Variants in PLGRKT observed in about 807,000 individuals in gnomAD.
PLGRKT encodes the protein plasminogen receptor (KT).
In PLGRKT, 22 loss-of-function variants were observed where a neutral mutation model predicts 18.5. That is an observed-to-expected ratio of 1.19 (90% CI 0.85 to 1.70). The LOEUF is 1.70. Ranked by LOEUF, PLGRKT falls within the 40% of genes most tolerant of loss-of-function variation. The pLI is 0.00. For missense variants in PLGRKT, 235 were observed against 174.4 expected, an observed-to-expected ratio of 1.35 and a Z score of -1.96; for synonymous variants, 72 against 52.8, an observed-to-expected ratio of 1.36 and a Z score of -1.58.
At chr9:5,376,282 T>TGCACAAGGCA (rs1817625866) in intron 3 of PLGRKT, among the ~76,000 whole-genome samples, 1 of 152,166 alleles carries the variant, frequency 6.6e-6, no homozygotes, top group Non-Finnish European at 1.5e-5. Flanking sequence ...TGGTGATGTT[T>TGCACAAGGCA]GCACAAGGCA....
At chr9:5,430,642 C>T (rs1215650838) in intron 3 of PLGRKT, among the ~76,000 whole-genome samples, 2 of 152,202 alleles carry the variant, frequency 1.3e-5, no homozygotes, top group African/African-American at 4.8e-5. Flanking sequence ...GACTGAGGCA[C>T]AAGTCACACA....
chr9:5,360,148 G>A (rs767092973), intron 5 of PLGRKT, among the ~76,000 whole-genome samples: 1 of 152,190 alleles, frequency 6.6e-6, no homozygotes, highest in African/African-American at 2.4e-5. Flanking sequence ...TGAGAATGAT[G>A]TAAACAACTT....
chr9:5,406,847 T>C (rs902191698), intron 3 of PLGRKT, among the ~76,000 whole-genome samples: 3 of 152,294 alleles, frequency 2.0e-5, no homozygotes, highest in South Asian at 2.1e-4. Context: ...AATTCATCCA[T>C]GTAACCAAAA....
chr9:5,380,097 G>T (rs1817709878), intron 3 of PLGRKT, among the ~76,000 whole-genome samples: 2 of 152,276 alleles, frequency 1.3e-5, no homozygotes, highest in African/African-American at 4.8e-5. Flanking sequence ...GGGCGCAGTG[G>T]CTCATGCCTG....
At chr9:5,426,791 A>C (rs1440178326) in intron 3 of PLGRKT, among the ~76,000 whole-genome samples, 1 of 152,180 alleles carries the variant, frequency 6.6e-6, no homozygotes, top group African/African-American at 2.4e-5. Flanking sequence ...CCTTCCAGTC[A>C]AAGAGCAGAC....
intron 3 of PLGRKT, among the ~76,000 whole-genome samples, chr9:5,379,647 GAATA>G (rs1330483683): frequency 1.3e-5 from 2 of 152,126 alleles, no homozygotes; most frequent in African/African-American, 4.8e-5. Context: ...TTTCACTGAA[GAATA>G]AATACAAATA....
chr9:5,421,026 C>T (rs1222116765), intron 3 of PLGRKT, among the ~76,000 whole-genome samples: 1 of 152,224 alleles, frequency 6.6e-6, no homozygotes, highest in African/African-American at 2.4e-5. Context: ...CAAAAACCAT[C>T]AGGTCACATC....
intron 3 of PLGRKT, among the ~76,000 whole-genome samples, chr9:5,401,903 T>C (rs1818162391): frequency 3.3e-5 from 5 of 152,014 alleles, no homozygotes; most frequent in Non-Finnish European, 7.3e-5. Context: ...TGTAACGCAC[T>C]GGAAAGTTCT....
rs75735960 is a variant in PLGRKT, at chr9:5,399,439, G to A, written c.81+32458C>T. Among the ~76,000 whole-genome samples, 1,115 of 151,762 alleles carry A rather than the reference G, an allele frequency of 7.3e-3. 36 individuals are homozygous for A. Among genetic ancestry groups the A allele is most frequent in the African/African-American group, 0.026 (1,073 of 41,166 alleles). ...TTCTTCCCTTTTATATGCTCAATAG[G>A]CAGATTTTTTTTCCCTTTTCTTTAG... On this transcript the variant is annotated intron_variant, in intron 3 of 5. Coordinates refer to ENST00000223864, the MANE Select transcript of PLGRKT (RefSeq NM_018465.4).
At chr9:5,434,428 G>C (rs926410894) in intron 2 of PLGRKT, among the ~76,000 whole-genome samples, 14 of 145,528 alleles carry the variant, frequency 9.6e-5, no homozygotes, top group African/African-American at 3.4e-4. Flanking sequence ...GGGAAGTGAG[G>C]AGCACCTCTG....
Position 5,418,971 on chromosome 9 carries a change from C to A in PLGRKT, c.81+12926G>T. The stretch of plus-strand genomic sequence containing the variant: ...TTCTAGCAGAGTCCTGGGACAGCGT[C>A]TCCATGGTGGACCCTGAGCAGGAAG... On this transcript the variant is annotated intron_variant, in intron 3 of 5. Coordinates refer to ENST00000223864, the MANE Select transcript of PLGRKT (RefSeq NM_018465.4). The surrounding 1 kb of genome is among the most constrained non-coding windows in gnomAD (Gnocchi z 4.2). 1.4e-6 allele frequency: 1 copy of A among 696,324 alleles called. No individual in the cohort carries two copies. The highest frequency in any genetic ancestry group is 1.7e-5 in the South Asian group (1 of 57,254). The allele number at this position is 696,324 out of a possible 1,614,324, so 43.1% of individuals were successfully genotyped here.
intron 2 of PLGRKT, among the ~76,000 whole-genome samples, chr9:5,434,655 A>C (rs1818922607): frequency 7.4e-6 from 1 of 134,710 alleles, no homozygotes; most frequent in Non-Finnish European, 1.6e-5. Flanking sequence ...GGATGTGAGG[A>C]GCACCGCTGC....
chr9:5,405,695 T>C (rs1001194543), intron 3 of PLGRKT, among the ~76,000 whole-genome samples: 10 of 152,190 alleles, frequency 6.6e-5, no homozygotes, highest in African/African-American at 1.4e-4. Flanking sequence ...GACACAGGCA[T>C]AGGCAAAGAT....
At chr9:5,422,336 G>C (rs1818593993) in intron 3 of PLGRKT, among the ~76,000 whole-genome samples, 1 of 152,124 alleles carries the variant, frequency 6.6e-6, no homozygotes, top group Non-Finnish European at 1.5e-5. Context: ...AAAGATTCTT[G>C]CTAAAAGAAC....
Position 5,361,849 on chromosome 9 carries a change from T to C in PLGRKT, c.121A>G (p.Arg41Gly). 1.2e-6 allele frequency: 2 copies of C among 1,613,170 alleles called. No homozygotes were observed. Among genetic ancestry groups the C allele is most frequent in the Non-Finnish European group, 1.7e-6 (2 of 1,179,494 alleles). ...CACGCAATCTGCATGGCCATTTGTCTTTCCCTCATTTCACTCTGCATGATG... is the reference window on the plus strand; with the variant it reads ...CACGCAATCTGCATGGCCATTTGTCCTTCCCTCATTTCACTCTGCATGATG... ...QLIMQSEMRE[R>G]QMAMQIAWSR... The change falls in exon 4 of 6, where the codon AGA becomes GGA. Residue 41 changes from arginine (R) to glycine (G), a missense_variant. Physicochemically the swap from Arg to Gly is moderately radical, Grantham distance 125. Transcript: ENST00000223864.
intron 3 of PLGRKT, among the ~76,000 whole-genome samples, chr9:5,387,269 G>A (rs1817861935): frequency 6.6e-6 from 1 of 151,876 alleles, no homozygotes; most frequent in African/African-American, 2.4e-5. Context: ...TTTGGATCAG[G>A]AAATGTAATT....
chr9:5,423,703 A>G (rs1225476495), intron 3 of PLGRKT, among the ~76,000 whole-genome samples: 2 of 150,028 alleles, frequency 1.3e-5, no homozygotes, highest in African/African-American at 4.9e-5. Context: ...CTTTTTTATT[A>G]TTTTTCTTTT....
intron 3 of PLGRKT, among the ~76,000 whole-genome samples, chr9:5,389,212 A>C (rs2131106787): frequency 6.6e-6 from 1 of 152,066 alleles, no homozygotes; most frequent in African/African-American, 2.4e-5. Context: ...AGCAGGCAAC[A>C]GTGAAAAATA....
At chr9:5,381,907 C>A in intron 3 of PLGRKT, 6 of 985,174 alleles carry the variant, frequency 6.1e-6, no homozygotes, top group Non-Finnish European at 7.2e-6. Context: ...AGAGGGACCA[C>A]ATCATGAGAG....
Sources: allele counts gnomAD v4.1 joint callset (sites outside exome capture counted in the v4.1 genomes callset), GRCh38; gene constraint gnomAD v4.1.1; non-coding constraint Gnocchi (gnomAD v3.1); transcripts MANE v1.5; gene names NCBI Gene and HGNC (gene_info 2026-07-23, HGNC 2026-07-21).